MAP2K6: variants seen among roughly 807,000 people sequenced by gnomAD.
MAP2K6 encodes the protein dual specificity mitogen-activated protein kinase kinase 6.
MAP2K6 carries 16 observed loss-of-function variants against 53.7 expected under a neutral mutation model. The ratio of observed to expected loss-of-function variants is 0.30; its 90% CI spans 0.20 to 0.45. The LOEUF is 0.45. Ranked by LOEUF, MAP2K6 falls within the 20% of genes least tolerant of loss-of-function variation. MAP2K6 has a pLI of 1.00. For synonymous variants in MAP2K6, 132 were observed against 143.1 expected (o/e 0.92, Z 0.55); for missense variants, 204 against 411.9 (o/e 0.50, Z 4.37).
chr17:69,513,518 T>A (rs1160259198), intron 2 of MAP2K6, among the ~76,000 whole-genome samples: 2 of 152,190 alleles, frequency 1.3e-5, no homozygotes, highest in East Asian at 3.9e-4. Context: ...TCTATTAGGT[T>A]CAGGGGTAAT....
At chr17:69,443,009 T>A (rs956252899) in intron 1 of MAP2K6, among the ~76,000 whole-genome samples, 7 of 152,188 alleles carry the variant, frequency 4.6e-5, no homozygotes, top group Admixed American at 6.5e-5. Context: ...CCCAGAATTT[T>A]CCTGCTTGAT....
intron 1 of MAP2K6, among the ~76,000 whole-genome samples, chr17:69,487,340 A>G (rs529163286): frequency 6.6e-6 from 1 of 152,314 alleles, no homozygotes; most frequent in East Asian, 1.9e-4. Flanking sequence ...GTAATACCCC[A>G]TGCAGCTGTA....
chr17:69,433,285 G>A (rs1906528018), intron 1 of MAP2K6: 1 of 152,266 alleles, frequency 6.6e-6, no homozygotes, highest in Non-Finnish European at 1.5e-5. Context: ...GTAGCGGTAA[G>A]CCAAGTGTGG....
At chr17:69,461,381 C>G (rs145031478) in intron 1 of MAP2K6, among the ~76,000 whole-genome samples, 300 of 152,300 alleles carry the variant, frequency 2.0e-3, no homozygotes, top group African/African-American at 7.0e-3. Flanking sequence ...AGAATGAGGG[C>G]AGTGACTGGC....
At chr17:69,439,113 G>A (rs896965917) in intron 1 of MAP2K6, among the ~76,000 whole-genome samples, 2 of 152,126 alleles carry the variant, frequency 1.3e-5, no homozygotes, top group African/African-American at 2.4e-5. Context: ...CATATTTGCT[G>A]GTTATCATTC....
In MAP2K6 at chr17:69,542,409, C is replaced by T. The variant is rs747166304; in HGVS notation, c.*656C>T. The T allele has an allele frequency of 1.3e-5, 2 of 152,610 alleles. No homozygotes were observed. The highest frequency in any genetic ancestry group is 4.8e-5 in the African/African-American group (2 of 41,432). 9.5% of individuals were successfully genotyped at this position (152,610 alleles called of 1,614,324 possible). ...ACATCTGCCCAATCCTGGGTGATCA[C>T]CACATCTTTTAGGGGAAGTGACAAG... On this transcript the variant is annotated 3_prime_UTR_variant, in exon 12 of 12. Coordinates refer to ENST00000590474, the MANE Select transcript of MAP2K6 (RefSeq NM_002758.4).
Position 69,551,089 on chromosome 17 carries a change from C to G in MAP2K6, c.*9336C>G, listed in dbSNP as rs1200390714. On this transcript the variant is annotated 3_prime_UTR_variant, in exon 12 of 12. Coordinates refer to ENST00000590474, the MANE Select transcript of MAP2K6 (RefSeq NM_002758.4). ...TTTTCCTAAAGTGGTTGAGAATGAC[C>G]TGATCTTTGTTCACCGTCTCAGTGA... 1 of 152,208 alleles carries G rather than the reference C, an allele frequency of 6.6e-6. No individual in the cohort carries two copies. The highest frequency in any genetic ancestry group is 2.4e-5 in the African/African-American group (1 of 41,466). The allele number at this position is 152,208 out of a possible 1,614,324, so 9.4% of individuals were successfully genotyped here.
intron 4 of MAP2K6, among the ~76,000 whole-genome samples, chr17:69,517,830 T>A (rs1032561561): frequency 6.6e-6 from 1 of 152,156 alleles, no homozygotes; most frequent in Non-Finnish European, 1.5e-5. Flanking sequence ...AACTCTTAAC[T>A]CTCCCTCCAC....
intron 1 of MAP2K6, among the ~76,000 whole-genome samples, chr17:69,422,049 T>A (rs1010755991): frequency 1.3e-4 from 19 of 151,490 alleles, no homozygotes; most frequent in Non-Finnish European, 2.9e-5. Flanking sequence ...TAGTCCATAA[T>A]CTCCCTCTTT....
chr17:69,537,053 G>A (rs1287793141), intron 11 of MAP2K6, among the ~76,000 whole-genome samples: 1 of 152,088 alleles, frequency 6.6e-6, no homozygotes, highest in Non-Finnish European at 1.5e-5. Context: ...CTGAATTCCA[G>A]CCTGGGCAAC....
intron 6 of MAP2K6, 69 bp downstream of exon 6, chr17:69,520,455 C>A: frequency 1.1e-6 from 1 of 881,168 alleles, no homozygotes. Context: ...CTTTGGACCT[C>A]AGTATGAAGA....
intron 1 of MAP2K6, among the ~76,000 whole-genome samples, chr17:69,430,519 T>C (rs1223194759): frequency 1.3e-5 from 2 of 152,224 alleles, no homozygotes; most frequent in Admixed American, 1.3e-4. Context: ...GCAGCAATCT[T>C]TGTTCATCTA....
intron 1 of MAP2K6, among the ~76,000 whole-genome samples, chr17:69,418,749 C>T (rs1357214048): frequency 1.3e-5 from 2 of 152,028 alleles, no homozygotes; most frequent in Non-Finnish European, 2.9e-5. Flanking sequence ...ATACCAGTTC[C>T]TACATTATCA....
At chr17:69,452,574 A>G (rs1263311884) in intron 1 of MAP2K6, among the ~76,000 whole-genome samples, 1 of 152,230 alleles carries the variant, frequency 6.6e-6, no homozygotes, top group Non-Finnish European at 1.5e-5. Flanking sequence ...TGTCTTTCCC[A>G]CTGTCTTCCT....
intron 2 of MAP2K6, among the ~76,000 whole-genome samples, chr17:69,510,960 G>A (rs1040418198): frequency 1.3e-5 from 2 of 151,300 alleles, no homozygotes; most frequent in African/African-American, 4.9e-5. Context: ...TTTTATTTTT[G>A]CTATTTCCTT....
At chr17:69,519,052 G>A (rs371789913) in intron 4 of MAP2K6, among the ~76,000 whole-genome samples, 2 of 152,172 alleles carry the variant, frequency 1.3e-5, no homozygotes, top group East Asian at 1.9e-4. Context: ...TTCATACCTT[G>A]GAAATACATT....
At chr17:69,455,961 A>C (rs1051412411) in intron 1 of MAP2K6, among the ~76,000 whole-genome samples, 1 of 150,566 alleles carries the variant, frequency 6.6e-6, no homozygotes, top group Non-Finnish European at 1.5e-5. Context: ...CCCGGGTTCA[A>C]GCAATTCTCC....
intron 1 of MAP2K6, chr17:69,434,201 G>A (rs1906565424): frequency 1.3e-5 from 2 of 152,158 alleles, no homozygotes; most frequent in African/African-American, 4.8e-5. Flanking sequence ...AGTACTGAAT[G>A]TAGTTTTCTT....
intron 1 of MAP2K6, among the ~76,000 whole-genome samples, chr17:69,464,641 C>G (rs556800762): frequency 1.3e-5 from 2 of 152,118 alleles, no homozygotes; most frequent in Admixed American, 6.5e-5. Flanking sequence ...CTCAGTCCCC[C>G]GAAGTGCTGG....
Sources: gnomAD v4.1 joint callset for allele counts (sites outside exome capture counted in the v4.1 genomes callset) on GRCh38, gnomAD v4.1.1 for gene constraint, MANE v1.5 for transcripts, NCBI Gene and HGNC (gene_info 2026-07-23, HGNC 2026-07-21) for gene names.